C3orf20: variants seen among roughly 807,000 people sequenced by gnomAD.
C3orf20 encodes family with sequence similarity 149 member C, also known as uncharacterized protein C3orf20.
In C3orf20, 76 loss-of-function variants were observed where a neutral mutation model predicts 88.3. That is an observed-to-expected ratio of 0.86 (90% confidence interval 0.72 to 1.04). The LOEUF is 1.04. Among genes scored for constraint, C3orf20 ranks in the 50% least tolerant of loss-of-function variants. The pLI is 0.00. For missense variants in C3orf20, 1,056 were observed against 1,123.3 expected (o/e 0.94, Z 0.86); for synonymous variants, 436 against 437.4 (o/e 1.00, Z 0.04).
At chr3:14,718,051 G>A (rs913712183) in intron 9 of C3orf20, among the ~76,000 whole-genome samples, 2 of 152,020 alleles carry the variant, frequency 1.3e-5, no homozygotes, top group South Asian at 4.1e-4. Context: ...TGAGTTTCTT[G>A]AGTCTGTAAA....
intron 12 of C3orf20, among the ~76,000 whole-genome samples, chr3:14,739,856 C>T (rs1028717630): frequency 7.2e-5 from 11 of 152,194 alleles, no homozygotes; most frequent in Admixed American, 3.9e-4. Flanking sequence ...TGCTAGATTA[C>T]GATTTTTCCT....
At chr3:14,696,694 A>G (rs115928553) in intron 5 of C3orf20, among the ~76,000 whole-genome samples, 2,217 of 151,746 alleles carry the variant, frequency 0.015, 55 homozygotes, top group African/African-American at 0.05. Context: ...ATTATTTTTT[A>G]TGAGTTCGTC....
At chr3:14,677,517 TA>T (rs1353743267) in intron 1 of C3orf20, among the ~76,000 whole-genome samples, 2 of 152,094 alleles carry the variant, frequency 1.3e-5, no homozygotes, top group African/African-American at 4.8e-5. Flanking sequence ...TTTGTTTTTT[TA>T]GACGGGAGTT....
Position 14,757,641 on chromosome 3 carries a change from C to T in C3orf20, c.2211C>T (p.His737=). ...GGCTGCTGAACACTCTCTACAACCA[C>T]CAGCAGCGGGGCCGTGGCTCCCCCT... is the stretch of plus-strand genomic sequence containing the variant. ...LQWLLNTLYN[H]QQRGRGSPCI... is the part of the protein sequence containing the mutation. Residue 737 remains histidine (H), a synonymous_variant, in exon 13 of 17, where the codon CAC becomes CAT. Coordinates refer to ENST00000253697, the MANE Select transcript of C3orf20 (RefSeq NM_032137.5). The T allele has an allele frequency of 6.2e-7, 1 of 1,611,660 alleles. No homozygotes were observed. Among genetic ancestry groups the T allele is most frequent in the Non-Finnish European group, 8.5e-7 (1 of 1,178,196 alleles).
chr3:14,764,407 A>G (rs913151266), intron 15 of C3orf20, among the ~76,000 whole-genome samples: 20 of 152,198 alleles, frequency 1.3e-4, no homozygotes, highest in African/African-American at 4.8e-4. Context: ...AAGCATTGCC[A>G]TAGCAGTTGT....
intron 12 of C3orf20, among the ~76,000 whole-genome samples, chr3:14,736,345 C>T (rs929404215): frequency 6.6e-6 from 1 of 150,510 alleles, no homozygotes; most frequent in African/African-American, 2.5e-5. Flanking sequence ...GGCTAGAGTG[C>T]AGTGGCACAA....
chr3:14,682,675 C>T lies in C3orf20; in HGVS notation c.-39C>T, dbSNP rs778750595. The T allele has an allele frequency of 1.7e-5, 26 of 1,564,562 alleles. No homozygotes were observed. The Admixed American group carries it at 3.5e-4, about 21-fold the overall frequency. On this transcript the variant is annotated 5_prime_UTR_variant, in exon 3 of 17. Coordinates refer to ENST00000253697, the MANE Select transcript of C3orf20 (RefSeq NM_032137.5). The stretch of plus-strand genomic sequence containing the variant: ...AGGGAAGAACTTTTGCTCTCAGTCA[C>T]CTCTCAGAGAGCTCTCTTTATAGCT...
chr3:14,731,836 T>G (rs1167829522), intron 12 of C3orf20, among the ~76,000 whole-genome samples: 1 of 152,260 alleles, frequency 6.6e-6, no homozygotes, highest in Non-Finnish European at 1.5e-5. Flanking sequence ...CTTCTAATGT[T>G]AATTTTTTTG....
At chr3:14,718,303 C>G (rs995048285) in intron 9 of C3orf20, among the ~76,000 whole-genome samples, 7 of 149,838 alleles carry the variant, frequency 4.7e-5, no homozygotes, top group African/African-American at 1.7e-4. Flanking sequence ...TGACTTTATT[C>G]TGTCATCTCC....
chr3:14,694,015 C>A (rs2032856433), intron 5 of C3orf20, among the ~76,000 whole-genome samples: 1 of 152,102 alleles, frequency 6.6e-6, no homozygotes, highest in Non-Finnish European at 1.5e-5. Context: ...ATATGTTGAA[C>A]CATCCTTGCA....
intron 9 of C3orf20, among the ~76,000 whole-genome samples, chr3:14,718,450 AC>A (rs1575121968): frequency 6.6e-6 from 1 of 152,186 alleles, no homozygotes; most frequent in African/African-American, 2.4e-5. Context: ...TCTTACAAGT[AC>A]ATTTTCCCTT....
At chr3:14,735,158 TTAGAG>T (rs2034665966) in intron 12 of C3orf20, among the ~76,000 whole-genome samples, 1 of 151,870 alleles carries the variant, frequency 6.6e-6, no homozygotes. Flanking sequence ...TGTCTTTTAA[TTAGAG>T]TATTTAATCT....
At position 14,713,693 on chromosome 3, in the gene C3orf20, G is replaced by C. The variant is rs114265446; in HGVS notation, c.1161-314G>C. On this transcript the variant is annotated intron_variant, in intron 7 of 16. Transcript: ENST00000253697. ...TCCTGGTTTGCCTGGGACTTTTTAGGTTTTATACTGAAAGTTCCACGTCTC... is the reference window on the plus strand; with the variant it reads ...TCCTGGTTTGCCTGGGACTTTTTAGCTTTTATACTGAAAGTTCCACGTCTC... Among the ~76,000 whole-genome samples, 621 of 152,222 alleles carry C rather than the reference G, an allele frequency of 4.1e-3. 3 individuals are homozygous for C. Among genetic ancestry groups the C allele is most frequent in the African/African-American group, 0.014 (566 of 41,550 alleles).
chr3:14,691,187 C>T (rs7640439), intron 5 of C3orf20, among the ~76,000 whole-genome samples: 24,123 of 152,218 alleles, frequency 0.16, 2,153 homozygotes, highest in Non-Finnish European at 0.2. Context: ...CTCCTCCTTC[C>T]GGGCACGGAG....
chr3:14,740,943 A>G (rs2034881273), intron 12 of C3orf20, among the ~76,000 whole-genome samples: 1 of 152,230 alleles, frequency 6.6e-6, no homozygotes, highest in South Asian at 2.1e-4. Context: ...CTTCTGTCAG[A>G]TAATTCTAAT....
At chr3:14,751,703 C>G (rs374131688) in intron 12 of C3orf20, among the ~76,000 whole-genome samples, 2 of 152,018 alleles carry the variant, frequency 1.3e-5, no homozygotes, top group South Asian at 2.1e-4. Context: ...AAACAGAGAG[C>G]CAAATCATGA....
chr3:14,759,957 C>G lies in C3orf20; in HGVS notation c.2311C>G (p.Leu771Val). The part of the protein sequence containing the change: ...LDSPLQEDPP[L>V]MVKKNSVVQG... ...CAGCCCCCTGCAGGAGGACCCTCCC[C>G]TGATGGTGAAGAAGAACTCTGTGGT... The change falls in exon 14 of 17, where the codon CTG becomes GTG. Residue 771 changes from leucine to valine, a missense_variant. Coordinates refer to ENST00000253697, the MANE Select transcript of C3orf20 (RefSeq NM_032137.5). The G allele has an allele frequency of 6.2e-7, 1 of 1,614,176 alleles. No homozygotes were observed. Among genetic ancestry groups the G allele is most frequent in the Admixed American group, 1.7e-5 (1 of 60,030 alleles).
intron 7 of C3orf20, among the ~76,000 whole-genome samples, chr3:14,708,070 C>T (rs537182767): frequency 3.3e-5 from 5 of 152,040 alleles, no homozygotes; most frequent in Non-Finnish European, 7.4e-5. Flanking sequence ...GATCCGCCCA[C>T]CTTGGCCTCC....
intron 5 of C3orf20, among the ~76,000 whole-genome samples, chr3:14,693,673 G>T (rs548985131): frequency 6.6e-6 from 1 of 152,170 alleles, no homozygotes; most frequent in South Asian, 2.1e-4. Flanking sequence ...CAATTTGGAT[G>T]CCCTTTATTT....
Sources: gnomAD v4.1 joint callset for allele counts (sites outside exome capture counted in the v4.1 genomes callset) on GRCh38, gnomAD v4.1.1 for gene constraint, MANE v1.5 for transcripts, NCBI Gene and HGNC (gene_info 2026-07-23, HGNC 2026-07-21) for gene names.